Variants in FLII observed in about 807,000 individuals in gnomAD.
The protein encoded by FLII is FLII actin remodeling protein, also known as protein flightless-1 homolog.
FLII carries 101 observed loss-of-function variants against 156.2 expected under a neutral mutation model. The observed-to-expected ratio is 0.65, with a 90% CI of 0.55 to 0.76. The LOEUF (loss-of-function observed/expected upper bound fraction) is 0.76, where lower values mean the gene tolerates loss of function less well. Ranked by LOEUF, FLII falls within the 30% of genes least tolerant of loss-of-function variation. The pLI is 0.00. For missense variants in FLII, 1,675 were observed against 1,682.8 expected (o/e 1.00, Z 0.08); for synonymous variants, 767 against 685.8 (o/e 1.12, Z -1.85).
chr17:18,246,106 C>A (rs905164512), intron 25 of FLII, 44 bp from the exon 26 acceptor site: 26 of 1,613,958 alleles, frequency 1.6e-5, no homozygotes, highest in Non-Finnish European at 2.2e-5. Flanking sequence ...CTGACTCAGC[C>A]CCCAAACACC....
At position 18,258,575 on chromosome 17, in the gene FLII, G is replaced by A. The variant is rs1403449841; in HGVS notation, c.63+53C>T. ...ACAGGAAGCGGAGGCCAAGCGGGCCGGGCGGAAGAGAAGGCCTGCAGGGAG... is the reference window on the plus strand; with the variant it reads ...ACAGGAAGCGGAGGCCAAGCGGGCCAGGCGGAAGAGAAGGCCTGCAGGGAG... On this transcript the variant is annotated intron_variant, in intron 1 of 29. Coordinates refer to ENST00000327031, the MANE Select transcript of FLII (RefSeq NM_002018.4). This position sits in a 1 kb window ranked among gnomAD's most constrained non-coding sequence, Gnocchi z 4.2. 2.5e-5 allele frequency: 38 copies of A among 1,527,908 alleles called. No individual in the cohort carries two copies. Among genetic ancestry groups the A allele is most frequent in the South Asian group, 6.0e-5 (5 of 82,984 alleles). 94.6% of individuals were successfully genotyped at this position (1,527,908 alleles called of 1,614,324 possible). A position where few individuals can be genotyped will look rare whatever the true frequency, so the allele number is the denominator to read the frequency against.
intron 20 of FLII, 37 bp downstream of exon 20, chr17:18,247,620 G>A (rs1379717165): frequency 2.0e-6 from 3 of 1,522,144 alleles, no homozygotes; most frequent in Non-Finnish European, 2.6e-6. Flanking sequence ...AGGGTGCGAA[G>A]GATCCTGGGG....
In FLII at chr17:18,247,990, T is replaced by A. The variant is rs981776785; in HGVS notation, c.2234A>T (p.Tyr745Phe). ...CTGCTTATGTTCCACGGAGAGCTTG[T>A]AGTTGATCTGTGGCAGCTCCAGGTA... is the stretch of plus-strand genomic sequence containing the variant. The part of the protein sequence containing the change: ...LGYLELPQIN[Y>F]KLSVEHKQRP... Residue 745 changes from tyrosine to phenylalanine, a missense_variant, in exon 19 of 30, where the codon TAC becomes TTC. Coordinates refer to ENST00000327031, the MANE Select transcript of FLII (RefSeq NM_002018.4). 5.6e-6 allele frequency: 9 copies of A among 1,614,036 alleles called. No homozygotes were observed. The highest frequency in any genetic ancestry group is 7.6e-6 in the Non-Finnish European group (9 of 1,179,954).
At chr17:18,254,999 G>A (rs748928437) in intron 4 of FLII, 145 bp from the exon 5 acceptor site, 3 of 956,842 alleles carry the variant, frequency 3.1e-6, no homozygotes, top group Non-Finnish European at 5.1e-6. Flanking sequence ...CAGGGACTTG[G>A]GAGGAAGAGT....
chr17:18,258,363 G>T lies in FLII; in HGVS notation c.63+265C>A. On this transcript the variant is annotated intron_variant, in intron 1 of 29. Coordinates refer to ENST00000327031, the MANE Select transcript of FLII (RefSeq NM_002018.4). This position sits in a 1 kb window ranked among gnomAD's most constrained non-coding sequence, Gnocchi z 4.2. ...GCCTAGACCGAGAACACGGACGCGG[G>T]GTGGGGGCTCCCGGCCGGGCCCCCG... 1 of 878,028 alleles carries T rather than the reference G, an allele frequency of 1.1e-6. No homozygotes were observed. Among genetic ancestry groups the T allele is most frequent in the Non-Finnish European group, 1.7e-6 (1 of 589,402 alleles). The allele number at this position is 878,028 out of a possible 1,614,324, so 54.4% of individuals were successfully genotyped here.
In FLII at chr17:18,257,038, G is replaced by A; in HGVS notation, c.64-19C>T. On this transcript the variant is annotated intron_variant, in intron 1 of 29. Coordinates refer to ENST00000327031, the MANE Select transcript of FLII (RefSeq NM_002018.4). ...AGCCGCCCTGGGGGAAGGATGTCAA[G>A]GTGAAGCACAGAGCCCCTGCTCACC... 1 of 1,552,202 alleles carries A rather than the reference G, an allele frequency of 6.4e-7. No homozygotes were observed. Among genetic ancestry groups the A allele is most frequent in the Non-Finnish European group, 8.8e-7 (1 of 1,137,214 alleles).
intron 13 of FLII, 75 bp from the exon 14 acceptor site, chr17:18,251,092 G>A: frequency 6.7e-7 from 1 of 1,502,416 alleles, no homozygotes. Flanking sequence ...ACTCTGAACA[G>A]CACAGGCTTC....
Position 18,258,383 on chromosome 17 carries a change from C to A in FLII, c.63+245G>T, listed in dbSNP as rs1473278067. The A allele has an allele frequency of 8.9e-7, 1 of 1,122,118 alleles. No homozygotes were observed. The highest frequency in any genetic ancestry group is 1.2e-6 in the Non-Finnish European group (1 of 807,024). 69.5% of individuals were successfully genotyped at this position (1,122,118 alleles called of 1,614,324 possible). A position where few individuals can be genotyped will look rare whatever the true frequency, so the allele number is the denominator to read the frequency against. On this transcript the variant is annotated intron_variant, in intron 1 of 29. Transcript: ENST00000327031. The surrounding 1 kb of genome is among the most constrained non-coding windows in gnomAD (Gnocchi z 4.2). Reference sequence around the variant, plus strand: ...CGCGGGGTGGGGGCTCCCGGCCGGGCCCCCGGCGGGACTCCGAGCCCAAGC... The same window carrying A: ...CGCGGGGTGGGGGCTCCCGGCCGGGACCCCGGCGGGACTCCGAGCCCAAGC...
chr17:18,249,033 G>A, intron 16 of FLII, 94 bp downstream of exon 16: 1 of 1,384,362 alleles, frequency 7.2e-7, no homozygotes, highest in Non-Finnish European at 1.0e-6. Flanking sequence ...GGAATTGCTA[G>A]AGGGCCTCCT....
chr17:18,247,123 G>GGGCCCCCCC, intron 21 of FLII, 46 bp downstream of exon 21: 1 of 1,249,068 alleles, frequency 8.0e-7, no homozygotes, highest in African/African-American at 2.5e-5. Flanking sequence ...CCCTCGGCCT[G>GGGCCCCCCC]CCCCCCACCC....
At position 18,246,584 on chromosome 17, in the gene FLII, C is replaced by A; in HGVS notation, c.3051+10G>T. On this transcript the variant is annotated intron_variant, in intron 23 of 29. Transcript: ENST00000327031. ...GCCTGGCCTCGGGCTCGCGGGGCTG[C>A]CAGGCACACCTCCAGCTTCCCAGGG... The A allele has an allele frequency of 1.2e-6, 2 of 1,613,570 alleles. No individual in the cohort carries two copies. Among genetic ancestry groups the A allele is most frequent in the South Asian group, 2.2e-5 (2 of 91,076 alleles).
chr17:18,249,105 A>T (rs755780635), intron 16 of FLII, 22 bp downstream of exon 16: 1 of 1,604,274 alleles, frequency 6.2e-7, no homozygotes, highest in Non-Finnish European at 8.5e-7. Context: ...AAGCACCCCC[A>T]CCTCACATTG....
chr17:18,246,501 C>G, intron 23 of FLII, 39 bp from the exon 24 acceptor site: 1 of 1,612,770 alleles, frequency 6.2e-7, no homozygotes, highest in South Asian at 1.1e-5. Flanking sequence ...TCCCTGGACC[C>G]CCACCTGCCC....
At position 18,245,900 on chromosome 17, in the gene FLII, C is replaced by T. The variant is rs370659231; in HGVS notation, c.3396+34G>A. On this transcript the variant is annotated intron_variant, in intron 26 of 29. Transcript: ENST00000327031. ...AGGGCCCCTGCCTGCCCTGGCTCCTCTGTGTGTGCCCGCCTGCCCGCCCGC... is the reference window on the plus strand; with the variant it reads ...AGGGCCCCTGCCTGCCCTGGCTCCTTTGTGTGTGCCCGCCTGCCCGCCCGC... 9 of 1,614,012 alleles carry T rather than the reference C, an allele frequency of 5.6e-6. No individual in the cohort carries two copies. In the African/African-American group the frequency reaches 1.1e-4, roughly 19 times the overall value.
At chr17:18,254,273 C>A in intron 6 of FLII, 91 bp from the exon 7 acceptor site, 1 of 1,066,590 alleles carries the variant, frequency 9.4e-7, no homozygotes, top group Non-Finnish European at 1.3e-6. Flanking sequence ...AGCACAGGGC[C>A]CAGAGGGTAG....
intron 1 of FLII, among the ~76,000 whole-genome samples, chr17:18,257,739 C>T (rs1432337780): frequency 2.0e-5 from 3 of 152,208 alleles, no homozygotes; most frequent in Non-Finnish European, 2.9e-5. Flanking sequence ...GCCACTTGTA[C>T]TTGGGGTCAA....
Position 18,254,561 on chromosome 17 carries a change from G to T in FLII, c.535C>A (p.Leu179Ile). ...QMRRLVHLQT[L>I]VLNGNPLLHA... ...AGCAGGGGGTTTCCATTGAGCACGA[G>T]CGTCTGCAGGTGCACCAGGCGGCGC... Residue 179 changes from leucine (L) to isoleucine (I), a missense_variant, in exon 6 of 30, where the codon CTC becomes ATC. Physicochemically the swap from Leu to Ile is conservative, Grantham distance 5 (BLOSUM62 2). This residue lies in a region of FLII where 343 missense variants were observed against 413.5 expected (regional missense o/e 0.83). Transcript: ENST00000327031. 6.2e-7 allele frequency: 1 copy of T among 1,613,494 alleles called. No homozygotes were observed. Among genetic ancestry groups the T allele is most frequent in the Non-Finnish European group, 8.5e-7 (1 of 1,179,872 alleles).
chr17:18,246,266 C>T (rs2048048550), intron 24 of FLII, 42 bp downstream of exon 24: 1 of 1,614,168 alleles, frequency 6.2e-7, no homozygotes, highest in South Asian at 1.1e-5. Flanking sequence ...GGCCTGGCTC[C>T]CTGACGCTTG....
At chr17:18,255,318 CA>C in intron 3 of FLII, 55 bp from the exon 4 acceptor site, 1 of 1,453,850 alleles carries the variant, frequency 6.9e-7, no homozygotes, top group Non-Finnish European at 9.6e-7. Context: ...CAGGAAGGAA[CA>C]GAGTCTAGAG....
Sources: allele counts gnomAD v4.1 joint callset (sites outside exome capture counted in the v4.1 genomes callset), GRCh38; gene constraint gnomAD v4.1.1; regional missense constraint gnomAD v4.1.1; non-coding constraint Gnocchi (gnomAD v3.1); transcripts MANE v1.5; gene names NCBI Gene and HGNC (gene_info 2026-07-23, HGNC 2026-07-21).